FA2H: variants seen among roughly 807,000 people sequenced by gnomAD.
FA2H encodes the protein fatty acid alpha-hydroxylase.
Under a neutral mutation model 44.9 loss-of-function variants are expected in FA2H, and 22 were observed. The observed-to-expected ratio is 0.49, with a 90% CI of 0.35 to 0.70. The LOEUF (loss-of-function observed/expected upper bound fraction) is 0.70, where lower values mean the gene tolerates loss of function less well. Among genes scored for constraint, FA2H ranks in the 30% least tolerant of loss-of-function variants. FA2H has a pLI of 0.01. For missense variants in FA2H, 501 were observed against 504.9 expected (o/e 0.99, Z 0.07); for synonymous variants, 243 against 213.2 (o/e 1.14, Z -1.22).
At chr16:74,725,268 A>C (rs1961927711) in intron 4 of FA2H, among the ~76,000 whole-genome samples, 1 of 152,186 alleles carries the variant, frequency 6.6e-6, no homozygotes, top group Non-Finnish European at 1.5e-5. Flanking sequence ...CCATTCAGGC[A>C]CTTGACTTGC....
chr16:74,741,808 A>ATATGTGTGTGTGTGTG (rs1491185782), intron 1 of FA2H, among the ~76,000 whole-genome samples: 2 of 48,422 alleles, frequency 4.1e-5, no homozygotes, highest in South Asian at 7.9e-4. Context: ...ATATATATAT[A>ATATGTGTGTGTGTGTG]TGTGTGTGTG....
At chr16:74,733,476 G>A (rs1198428789) in intron 2 of FA2H, among the ~76,000 whole-genome samples, 1 of 152,280 alleles carries the variant, frequency 6.6e-6, no homozygotes, top group East Asian at 1.9e-4. Context: ...CCTCCACACA[G>A]TTTCCCAAGA....
intron 6 of FA2H, among the ~76,000 whole-genome samples, chr16:74,715,759 A>T (rs1961677959): frequency 6.7e-6 from 1 of 150,006 alleles, no homozygotes; most frequent in Non-Finnish European, 1.5e-5. Context: ...AAATCGCTGG[A>T]CCCTCCCCCA....
chr16:74,740,568 C>T (rs1343519936), intron 1 of FA2H, among the ~76,000 whole-genome samples: 7 of 150,284 alleles, frequency 4.7e-5, no homozygotes, highest in African/African-American at 1.5e-4. Flanking sequence ...TGCAGTGAGC[C>T]GAGATCCAGC....
chr16:74,726,091 C>A, intron 4 of FA2H, 134 bp downstream of exon 4: 1 of 695,504 alleles, frequency 1.4e-6, no homozygotes, highest in Non-Finnish European at 2.6e-6. Flanking sequence ...ACTATTTCTA[C>A]AGAGAGGCTT....
intron 1 of FA2H, among the ~76,000 whole-genome samples, chr16:74,768,769 G>C (rs1962853303): frequency 1.3e-5 from 2 of 152,040 alleles, no homozygotes. Context: ...AATGGCCAGA[G>C]CCCAAAGTCT....
At chr16:74,771,111 G>A (rs1435423660) in intron 1 of FA2H, among the ~76,000 whole-genome samples, 1 of 152,186 alleles carries the variant, frequency 6.6e-6, no homozygotes, top group Non-Finnish European at 1.5e-5. Flanking sequence ...TGACAACACA[G>A]GGCGGGCCCA....
At chr16:74,720,159 C>T (rs1331758703) in intron 4 of FA2H, among the ~76,000 whole-genome samples, 4 of 31,486 alleles carry the variant, frequency 1.3e-4, no homozygotes, top group African/African-American at 8.9e-4. Flanking sequence ...TTCCTGTTTG[C>T]TCCATATATT....
At chr16:74,743,759 C>G (rs1177829737) in intron 1 of FA2H, among the ~76,000 whole-genome samples, 1 of 152,172 alleles carries the variant, frequency 6.6e-6, no homozygotes, top group African/African-American at 2.4e-5. Context: ...CCCAGACTGA[C>G]TAAGCAAGGT....
intron 2 of FA2H, among the ~76,000 whole-genome samples, chr16:74,735,607 G>T (rs1023002888): frequency 1.2e-4 from 19 of 152,202 alleles, no homozygotes; most frequent in Non-Finnish European, 2.9e-5. Context: ...CTGCCCAGGG[G>T]CCCCACCCCA....
intron 6 of FA2H, 23 bp downstream of exon 6, chr16:74,716,324 G>C: frequency 6.2e-7 from 1 of 1,612,176 alleles, no homozygotes. Context: ...ATAGGGGGCT[G>C]GGAAGCACAG....
intron 1 of FA2H, among the ~76,000 whole-genome samples, chr16:74,773,761 AC>A (rs1962952585): frequency 6.6e-6 from 1 of 152,190 alleles, no homozygotes; most frequent in Non-Finnish European, 1.5e-5. Context: ...GGACTTAAAT[AC>A]CATCGGGAGC....
chr16:74,746,360 A>G (rs1245492537), intron 1 of FA2H, among the ~76,000 whole-genome samples: 1 of 148,612 alleles, frequency 6.7e-6, no homozygotes. Flanking sequence ...CCTGGGCTCA[A>G]TTATTATTAT....
At chr16:74,735,385 C>T (rs1962160259) in intron 2 of FA2H, among the ~76,000 whole-genome samples, 1 of 152,172 alleles carries the variant, frequency 6.6e-6, no homozygotes, top group South Asian at 2.1e-4. Context: ...GGATCACCTG[C>T]CTCCTCCCCC....
intron 2 of FA2H, among the ~76,000 whole-genome samples, chr16:74,729,139 T>A (rs1962023951): frequency 6.6e-6 from 1 of 151,720 alleles, no homozygotes; most frequent in Admixed American, 6.6e-5. Flanking sequence ...GCCTCCCAAG[T>A]AGCTGGGATT....
At chr16:74,756,814 C>T (rs1962620355) in intron 1 of FA2H, among the ~76,000 whole-genome samples, 1 of 151,628 alleles carries the variant, frequency 6.6e-6, no homozygotes. Context: ...AAATATAAAC[C>T]TAAAATAATA....
intron 1 of FA2H, among the ~76,000 whole-genome samples, chr16:74,770,879 G>A (rs981854954): frequency 6.6e-6 from 1 of 152,232 alleles, no homozygotes; most frequent in African/African-American, 2.4e-5. Flanking sequence ...CCCGCCCTCG[G>A]GCTCTTAGGC....
At chr16:74,745,485 C>T (rs147305454) in intron 1 of FA2H, among the ~76,000 whole-genome samples, 2,030 of 152,324 alleles carry the variant, frequency 0.013, 158 homozygotes, top group Admixed American at 0.12. Flanking sequence ...CCATAGCCCA[C>T]GTCTACTTGG....
At chr16:74,730,744 C>T (rs1204580162) in intron 2 of FA2H, among the ~76,000 whole-genome samples, 1 of 152,232 alleles carries the variant, frequency 6.6e-6, no homozygotes, top group Admixed American at 6.5e-5. Flanking sequence ...GAGCTAATCC[C>T]CATGGAGCCC....
Sources: allele counts gnomAD v4.1 joint callset (sites outside exome capture counted in the v4.1 genomes callset), GRCh38; gene constraint gnomAD v4.1.1; transcripts MANE v1.5; gene names NCBI Gene and HGNC (gene_info 2026-07-23, HGNC 2026-07-21).